Variants in RANBP9 observed in about 807,000 individuals in gnomAD.
RANBP9 encodes the protein RAN binding protein 9, also known as ran-binding protein 9.
A neutral mutation model predicts 84.3 loss-of-function variants in RANBP9; 15 were observed. The observed-to-expected ratio is 0.18, with a 90% CI of 0.12 to 0.27. The LOEUF (loss-of-function observed/expected upper bound fraction) is 0.27, where lower values mean the gene tolerates loss of function less well. RANBP9 is among the 10% of genes least tolerant of loss of function. The pLI, the probability that RANBP9 is intolerant of heterozygous loss-of-function variation, is 1.00. For synonymous variants in RANBP9, 392 were observed against 349.6 expected, an observed-to-expected ratio of 1.12 and a Z score of -1.35; for missense variants, 809 against 912.8, an observed-to-expected ratio of 0.89 and a Z score of 1.46.
Position 13,621,793 on chromosome 6 carries a change from C to T in RANBP9, c.*569G>A, listed in dbSNP as rs1360855418. 2.6e-5 allele frequency: 4 copies of T among 152,572 alleles called. No homozygotes were observed. The highest frequency in any genetic ancestry group is 4.1e-4 in the South Asian group (2 of 4,832). 9.5% of individuals were successfully genotyped at this position (152,572 alleles called of 1,614,324 possible). Reference sequence around the variant, plus strand: ...AACAAAACTACTGGGACTAACAGGTCGGGATTGTAAGTAGCAACAAACATA... The same window carrying T: ...AACAAAACTACTGGGACTAACAGGTTGGGATTGTAAGTAGCAACAAACATA... On this transcript the variant is annotated 3_prime_UTR_variant, in exon 14 of 14. Coordinates refer to ENST00000011619, the MANE Select transcript of RANBP9 (RefSeq NM_005493.3).
At chr6:13,668,534 T>C (rs1765703507) in intron 2 of RANBP9, among the ~76,000 whole-genome samples, 1 of 152,118 alleles carries the variant, frequency 6.6e-6, no homozygotes, top group African/African-American at 2.4e-5. Flanking sequence ...CCAAATGGGA[T>C]TTATATCCCA....
At chr6:13,703,366 A>T (rs966319408) in intron 1 of RANBP9, among the ~76,000 whole-genome samples, 3 of 152,118 alleles carry the variant, frequency 2.0e-5, no homozygotes, top group Non-Finnish European at 2.9e-5. Flanking sequence ...AGTGACTCCT[A>T]AATCAGTCAC....
intron 2 of RANBP9, among the ~76,000 whole-genome samples, chr6:13,669,091 TA>T (rs1453952394): frequency 1.3e-5 from 2 of 151,726 alleles, no homozygotes; most frequent in African/African-American, 4.8e-5. Context: ...ACACTAGAAA[TA>T]ATTTGAAAAT....
intron 10 of RANBP9, 24 bp downstream of exon 10, chr6:13,637,784 G>A (rs751778781): frequency 1.9e-6 from 3 of 1,553,708 alleles, no homozygotes; most frequent in Admixed American, 2.0e-5. Context: ...TTATATTAGT[G>A]CAAAAGTCAG....
chr6:13,622,008 C>CA lies in RANBP9; in HGVS notation c.*353dup, dbSNP rs1764462464. 6.3e-6 allele frequency: 1 copy of CA among 158,816 alleles called. No individual in the cohort carries two copies. Among genetic ancestry groups the CA allele is most frequent in the Admixed American group, 6.4e-5 (1 of 15,562 alleles). 9.8% of individuals were successfully genotyped at this position (158,816 alleles called of 1,614,324 possible). A position where few individuals can be genotyped will look rare whatever the true frequency, so the allele number is the denominator to read the frequency against. ...TACATCACCCACATGCTAACACAAA[C>CA]ACAACTTGTTCCATTTCCTTCCCCT... On this transcript the variant is annotated 3_prime_UTR_variant, in exon 14 of 14. Coordinates refer to ENST00000011619, the MANE Select transcript of RANBP9 (RefSeq NM_005493.3).
chr6:13,652,632 G>T, intron 5 of RANBP9, 27 bp downstream of exon 5: 2 of 1,548,904 alleles, frequency 1.3e-6, no homozygotes, highest in South Asian at 2.3e-5. Context: ...ATTAAAAATG[G>T]AAAACTGCTT....
At chr6:13,699,522 T>C (rs908513634) in intron 1 of RANBP9, among the ~76,000 whole-genome samples, 3 of 152,162 alleles carry the variant, frequency 2.0e-5, no homozygotes, top group Admixed American at 6.5e-5. Flanking sequence ...TACTTACCAG[T>C]TGAGCATCCT....
At chr6:13,662,912 G>A (rs1445632563) in intron 2 of RANBP9, among the ~76,000 whole-genome samples, 1 of 151,826 alleles carries the variant, frequency 6.6e-6, no homozygotes, top group Non-Finnish European at 1.5e-5. Flanking sequence ...CTTATCTGAA[G>A]GACAGAGAAA....
intron 4 of RANBP9, among the ~76,000 whole-genome samples, chr6:13,653,673 ATCTAAC>A (rs1485952401): frequency 3.3e-5 from 5 of 152,290 alleles, no homozygotes; most frequent in Admixed American, 2.0e-4. Context: ...AACAGAAAAC[ATCTAAC>A]TCTATTTATT....
intron 2 of RANBP9, among the ~76,000 whole-genome samples, chr6:13,681,688 AC>A (rs1415306501): frequency 1.3e-5 from 2 of 152,168 alleles, no homozygotes; most frequent in African/African-American, 4.8e-5. Context: ...CACTTCCTCT[AC>A]TTACAGCCAA....
rs115386904 is a variant in RANBP9, at chr6:13,699,915, G to A, written c.572-3019C>T. 6.0e-3 allele frequency among the ~76,000 whole-genome samples: 908 copies of A among 152,256 alleles called. 11 individuals carry two copies. The highest frequency in any genetic ancestry group is 0.021 in the African/African-American group (863 of 41,546). The stretch of plus-strand genomic sequence containing the variant: ...AATTCTGAAAGCATTTTGAATTTCA[G>A]ATTTGGGATGCTCAAACTTGTAATA... On this transcript the variant is annotated intron_variant, in intron 1 of 13. Coordinates refer to ENST00000011619, the MANE Select transcript of RANBP9 (RefSeq NM_005493.3).
chr6:13,675,976 A>C (rs1196605108), intron 2 of RANBP9, among the ~76,000 whole-genome samples: 2 of 152,110 alleles, frequency 1.3e-5, no homozygotes, highest in African/African-American at 4.8e-5. Context: ...CTATAGATTA[A>C]AAAATTAAAT....
intron 2 of RANBP9, among the ~76,000 whole-genome samples, chr6:13,685,929 CAA>C (rs566635171): frequency 4.3e-4 from 43 of 99,580 alleles, no homozygotes; most frequent in African/African-American, 4.3e-4. Context: ...GACTCTGTCT[CAA>C]AAAAAAAAAA....
chr6:13,685,533 T>C (rs1766152205), intron 2 of RANBP9, among the ~76,000 whole-genome samples: 1 of 152,100 alleles, frequency 6.6e-6, no homozygotes, highest in Non-Finnish European at 1.5e-5. Flanking sequence ...CAGTGAGCTA[T>C]GAATGCGCCA....
intron 10 of RANBP9, 57 bp downstream of exon 10, chr6:13,637,751 G>A (rs189939935): frequency 3.8e-4 from 544 of 1,427,500 alleles, no homozygotes; most frequent in Non-Finnish European, 2.1e-4. Context: ...TTATTACAAC[G>A]ATTACACCTA....
At chr6:13,652,855 G>A (rs1442488590) in intron 4 of RANBP9, among the ~76,000 whole-genome samples, 174 bp from the exon 5 acceptor site, 2 of 152,134 alleles carry the variant, frequency 1.3e-5, no homozygotes, top group Non-Finnish European at 2.9e-5. Flanking sequence ...ATGTCTGAGT[G>A]AACAAACGCT....
intron 2 of RANBP9, among the ~76,000 whole-genome samples, chr6:13,683,746 T>C (rs139547153): frequency 2.7e-4 from 41 of 152,072 alleles, no homozygotes; most frequent in African/African-American, 9.9e-4. Context: ...TAAGAATGCA[T>C]TACCTTGTAA....
chr6:13,671,327 T>G (rs1403677450), intron 2 of RANBP9, among the ~76,000 whole-genome samples: 1 of 152,136 alleles, frequency 6.6e-6, no homozygotes, highest in Non-Finnish European at 1.5e-5. Context: ...TGAAAACACA[T>G]AGCCATACTA....
At chr6:13,628,863 A>C (rs1002558995) in intron 12 of RANBP9, among the ~76,000 whole-genome samples, 3 of 152,224 alleles carry the variant, frequency 2.0e-5, no homozygotes, top group Non-Finnish European at 2.9e-5. Flanking sequence ...ACATTCCTTC[A>C]TTACTGCTGG....
Sources: gnomAD v4.1 joint callset for allele counts (sites outside exome capture counted in the v4.1 genomes callset) on GRCh38, gnomAD v4.1.1 for gene constraint, MANE v1.5 for transcripts, NCBI Gene and HGNC (gene_info 2026-07-23, HGNC 2026-07-21) for gene names.